The following FAM180B variants were observed in gnomAD, a reference collection of about 807,000 sequenced individuals.
FAM180B encodes family with sequence similarity 180 member B.
A neutral mutation model predicts 13.6 loss-of-function variants in FAM180B; 14 were observed. That is an observed-to-expected ratio of 1.03 (90% CI 0.68 to 1.60). The LOEUF (loss-of-function observed/expected upper bound fraction) is 1.60. Among genes scored for constraint, FAM180B ranks in the 40% most tolerant of loss-of-function variants. The pLI is 0.00. For missense variants in FAM180B, 212 were observed against 230.4 expected, an observed-to-expected ratio of 0.92 and a Z score of 0.52; for synonymous variants, 109 against 97.0, an observed-to-expected ratio of 1.12 and a Z score of -0.72.
Position 47,588,567 on chromosome 11 carries a change from G to C in FAM180B, c.*133G>C, listed in dbSNP as rs955726952. 1.7e-6 allele frequency: 1 copy of C among 585,008 alleles called. No homozygotes were observed. The allele number at this position is 585,008 out of a possible 1,614,324, so 36.2% of individuals were successfully genotyped here. A position where few individuals can be genotyped will look rare whatever the true frequency, so the allele number is the denominator to read the frequency against. On this transcript the variant is annotated 3_prime_UTR_variant, in exon 3 of 3. Coordinates refer to ENST00000538490, the MANE Select transcript of FAM180B (RefSeq NM_001164379.3). Reference sequence around the variant, plus strand: ...TCACCGTGTTCAGATCTCTGGGCTTGGCTTGCACCCTGGACACCCCCTCTC... The same window carrying C: ...TCACCGTGTTCAGATCTCTGGGCTTCGCTTGCACCCTGGACACCCCCTCTC...
Position 47,588,717 on chromosome 11 carries a change from T to TAA in FAM180B, c.*283_*284insAA, listed in dbSNP as rs1555199606. 1.6e-5 allele frequency: 2 copies of TAA among 128,750 alleles called. No homozygotes were observed. Among genetic ancestry groups the TAA allele is most frequent in the Non-Finnish European group, 2.7e-5 (2 of 73,260 alleles). 8.0% of individuals were successfully genotyped at this position (128,750 alleles called of 1,614,324 possible). On this transcript the variant is annotated 3_prime_UTR_variant, in exon 3 of 3. Coordinates refer to ENST00000538490, the MANE Select transcript of FAM180B (RefSeq NM_001164379.3). ...GCACGACTTGCAGGCAGTGTGTGTGTGAGTGTGTGTGTGTGTGTGTGTGTG... is the reference window on the plus strand; with the variant it reads ...GCACGACTTGCAGGCAGTGTGTGTGTAAGAGTGTGTGTGTGTGTGTGTGTGTG...
In FAM180B at chr11:47,588,921, A is replaced by G. The variant is rs2097273487; in HGVS notation, c.*487A>G. 1 of 152,206 alleles carries G rather than the reference A, an allele frequency of 6.6e-6. No homozygotes were observed. Among genetic ancestry groups the G allele is most frequent in the South Asian group, 2.1e-4 (1 of 4,830 alleles). 9.4% of individuals were successfully genotyped at this position (152,206 alleles called of 1,614,324 possible). On this transcript the variant is annotated 3_prime_UTR_variant, in exon 3 of 3. Transcript: ENST00000538490. Reference sequence around the variant, plus strand: ...TGCTGAGCATCCCCTTTTAGGCACAACCAAGGATTTGGGGTCTCTGAGCCT... The same window carrying G: ...TGCTGAGCATCCCCTTTTAGGCACAGCCAAGGATTTGGGGTCTCTGAGCCT...
intron 1 of FAM180B, 109 bp downstream of exon 1, chr11:47,586,962 T>C (rs544734689): frequency 1.4e-6 from 1 of 739,290 alleles, no homozygotes; most frequent in East Asian, 2.7e-5. Flanking sequence ...GCATGGTGGG[T>C]ACCAGGCTGA....
Position 47,587,841 on chromosome 11 carries a change from G to A in FAM180B, c.156+20G>A. ...TTTGAGGTCTTTCCTCCCAGCCTGG[G>A]ACATGGGGGTGGGCACGTCCAGAGG... is the stretch of plus-strand genomic sequence containing the variant. On this transcript the variant is annotated intron_variant, in intron 2 of 2. Coordinates refer to ENST00000538490, the MANE Select transcript of FAM180B (RefSeq NM_001164379.3). 1.3e-6 allele frequency: 2 copies of A among 1,523,176 alleles called. No individual in the cohort carries two copies. Among genetic ancestry groups the A allele is most frequent in the Non-Finnish European group, 1.8e-6 (2 of 1,139,184 alleles). The allele number at this position is 1,523,176 out of a possible 1,614,324, so 94.4% of individuals were successfully genotyped here.
Position 47,588,069 on chromosome 11 carries a change from A to G in FAM180B, c.187A>G (p.Met63Val). The G allele has an allele frequency of 2.6e-6, 4 of 1,535,976 alleles. No individual in the cohort carries two copies. In the South Asian group the frequency reaches 4.8e-5, roughly 18 times the overall value. ...LLWAGLELDVMGQLHIQDEEL... is the reference protein window; with the variant it reads ...LLWAGLELDVVGQLHIQDEEL... ...CTGGGCTGGGCTGGAGCTGGATGTC[A>G]TGGGGCAGCTGCACATCCAGGATGA... The change falls in exon 3 of 3, where the codon ATG becomes GTG. Residue 63 changes from methionine to valine, a missense_variant. Physicochemically the swap from Met to Val is conservative, Grantham distance 21. Transcript: ENST00000538490.
At position 47,586,698 on chromosome 11, in the gene FAM180B, A is replaced by C. The variant is rs1181632250; in HGVS notation, c.-71A>C. ...AGCCCGCAGTGGAAAGTTGGAGCTGAGGTGTGTGGCAGGCAGATGAGGGAG... is the reference window on the plus strand; with the variant it reads ...AGCCCGCAGTGGAAAGTTGGAGCTGCGGTGTGTGGCAGGCAGATGAGGGAG... On this transcript the variant is annotated 5_prime_UTR_variant, in exon 1 of 3. Coordinates refer to ENST00000538490, the MANE Select transcript of FAM180B (RefSeq NM_001164379.3). The C allele has an allele frequency of 9.0e-7, 1 of 1,110,410 alleles. No individual in the cohort carries two copies. Among genetic ancestry groups the C allele is most frequent in the Non-Finnish European group, 1.3e-6 (1 of 756,766 alleles). The allele number at this position is 1,110,410 out of a possible 1,614,324, so 68.8% of individuals were successfully genotyped here. A position where few individuals can be genotyped will look rare whatever the true frequency, so the allele number is the denominator to read the frequency against.
At position 47,588,042 on chromosome 11, in the gene FAM180B, C is replaced by A; in HGVS notation, c.160C>A (p.Leu54Ile). The change falls in exon 3 of 3, where the codon CTC becomes ATC. Residue 54 changes from leucine to isoleucine, a missense_variant. Leu to Ile is a conservative substitution (Grantham distance 5, BLOSUM62 2). Coordinates refer to ENST00000538490, the MANE Select transcript of FAM180B (RefSeq NM_001164379.3). Reference protein sequence around the residue: ...PEAPEVMFELLWAGLELDVMG... With the variant: ...PEAPEVMFELIWAGLELDVMG... ...CCTTACATGGCTCCCCTTGCAGCTG[C>A]TCTGGGCTGGGCTGGAGCTGGATGT... is the stretch of plus-strand genomic sequence containing the variant. 1 of 1,530,442 alleles carries A rather than the reference C, an allele frequency of 6.5e-7. No individual in the cohort carries two copies. Among genetic ancestry groups the A allele is most frequent in the Non-Finnish European group, 8.7e-7 (1 of 1,143,636 alleles). The allele number at this position is 1,530,442 out of a possible 1,614,324, so 94.8% of individuals were successfully genotyped here.
intron 2 of FAM180B, 34 bp downstream of exon 2, chr11:47,587,855 C>A: frequency 6.6e-7 from 1 of 1,503,978 alleles, no homozygotes; most frequent in Admixed American, 2.1e-5. Context: ...TGGGGGTGGG[C>A]ACGTCCAGAG....
upstream of FAM180B, chr11:47,586,662 A>C (rs1268048286): frequency 7.4e-6 from 6 of 808,790 alleles, no homozygotes; most frequent in Admixed American, 2.0e-5. Flanking sequence ...CGCATTACAG[A>C]GCTCTGGAGC....
chr11:47,588,384 C>T lies in FAM180B; in HGVS notation c.502C>T (p.Arg168Trp), dbSNP rs947935217. Residue 168 changes from arginine to tryptophan, a missense_variant, in exon 3 of 3, where the codon CGG becomes TGG. Transcript: ENST00000538490. ...GTGCAAAGGTTTCTGCCCCCAGGAC[C>T]GGCCCCCTTCCCTGGGGTCCTGGGC... ...DLCKGFCPQDRPPSLGSWASI... is the reference protein window; with the variant it reads ...DLCKGFCPQDWPPSLGSWASI... The T allele has an allele frequency of 1.8e-5, 28 of 1,522,366 alleles. No individual in the cohort carries two copies. Among genetic ancestry groups the T allele is most frequent in the Non-Finnish European group, 2.4e-5 (27 of 1,135,800 alleles). The allele number at this position is 1,522,366 out of a possible 1,614,324, so 94.3% of individuals were successfully genotyped here. A position where few individuals can be genotyped will look rare whatever the true frequency, so the allele number is the denominator to read the frequency against.
In FAM180B at chr11:47,586,768, C is replaced by T; in HGVS notation, c.-1C>T. On this transcript the variant is annotated 5_prime_UTR_variant, in exon 1 of 3. Transcript: ENST00000538490. The stretch of plus-strand genomic sequence containing the variant: ...GTGAGACTCAGAGGACGTGGTTGAG[C>T]ATGGCTGCGACCCTGCAGTTCCTGG... The T allele has an allele frequency of 6.5e-7, 1 of 1,536,598 alleles. No homozygotes were observed. Among genetic ancestry groups the T allele is most frequent in the Non-Finnish European group, 8.7e-7 (1 of 1,146,270 alleles).
intron 2 of FAM180B, 54 bp downstream of exon 2, chr11:47,587,875 C>A: frequency 6.8e-7 from 1 of 1,472,930 alleles, no homozygotes; most frequent in Non-Finnish European, 9.0e-7. Context: ...GGTCCCTAAG[C>A]TCAGGGTTGG....
Position 47,588,492 on chromosome 11 carries a change from C to G in FAM180B, c.*58C>G. On this transcript the variant is annotated 3_prime_UTR_variant, in exon 3 of 3. Coordinates refer to ENST00000538490, the MANE Select transcript of FAM180B (RefSeq NM_001164379.3). ...CCCCTCCCATCTCCTCCTCAACCCCCCAGGCAGACCCATCTTGCGCAGGGG... is the reference window on the plus strand; with the variant it reads ...CCCCTCCCATCTCCTCCTCAACCCCGCAGGCAGACCCATCTTGCGCAGGGG... 1.3e-6 allele frequency: 1 copy of G among 768,118 alleles called. No homozygotes were observed. Among genetic ancestry groups the G allele is most frequent in the Non-Finnish European group, 2.1e-6 (1 of 486,838 alleles). The allele number at this position is 768,118 out of a possible 1,614,324, so 47.6% of individuals were successfully genotyped here. A position where few individuals can be genotyped will look rare whatever the true frequency, so the allele number is the denominator to read the frequency against.
At chr11:47,586,907 T>A (rs1030512465) in intron 1 of FAM180B, 54 bp downstream of exon 1, 20 of 1,233,762 alleles carry the variant, frequency 1.6e-5, no homozygotes, top group South Asian at 9.0e-5. Context: ...CTGACAGCAG[T>A]TAACAGTTGG....
chr11:47,586,857 C>A lies in FAM180B; in HGVS notation c.85+4C>A. 6.5e-7 allele frequency: 1 copy of A among 1,534,334 alleles called. No homozygotes were observed. Among genetic ancestry groups the A allele is most frequent in the Admixed American group, 2.0e-5 (1 of 51,004 alleles). On this transcript the variant is annotated splice_donor_region_variant and intron_variant, in intron 1 of 2. Transcript: ENST00000538490. ...ACTACAACCCAGCCCCATGCAGGTA[C>A]CAGGCTTCAGGGTGGGTGGAGAGGA...
chr11:47,588,254 A>G lies in FAM180B; in HGVS notation c.372A>G (p.Thr124=). 6.5e-7 allele frequency: 1 copy of G among 1,537,000 alleles called. No homozygotes were observed. The highest frequency in any genetic ancestry group is 2.4e-5 in the East Asian group (1 of 40,902). Residue 124 remains threonine (T), a synonymous_variant, in exon 3 of 3, where the codon ACA becomes ACG. Coordinates refer to ENST00000538490, the MANE Select transcript of FAM180B (RefSeq NM_001164379.3). ...GGGACTTTGAACATCTGCTCCTCAC[A>G]GGCCTGTCCTGCGTCTACCGGCTCC... ...STWDFEHLLL[T]GLSCVYRLHA...
At position 47,588,743 on chromosome 11, in the gene FAM180B, TGTGTGTGTGTGTGG is replaced by T. The variant is rs1365908258; in HGVS notation, c.*310_*323del. The T allele has an allele frequency of 7.3e-6, 2 of 274,652 alleles. No homozygotes were observed. The highest frequency in any genetic ancestry group is 4.5e-5 in the African/African-American group (2 of 44,224). 17.0% of individuals were successfully genotyped at this position (274,652 alleles called of 1,614,324 possible). On this transcript the variant is annotated 3_prime_UTR_variant, in exon 3 of 3. Transcript: ENST00000538490. ...GAGTGTGTGTGTGTGTGTGTGTGTG[TGTGTGTGTGTGTGG>T]AGATCAGGGGTCAGGGTTGAGAAGT... is the stretch of plus-strand genomic sequence containing the variant.
rs1219553415 is a variant in FAM180B at position 47,588,055 on chromosome 11, T to C, written c.173T>C (p.Leu58Pro). The stretch of plus-strand genomic sequence containing the variant: ...CCCTTGCAGCTGCTCTGGGCTGGGC[T>C]GGAGCTGGATGTCATGGGGCAGCTG... ...EVMFELLWAG[L>P]ELDVMGQLHI... Residue 58 changes from leucine to proline, a missense_variant, in exon 3 of 3, where the codon CTG becomes CCG. Transcript: ENST00000538490. 10 of 1,534,124 alleles carry C rather than the reference T, an allele frequency of 6.5e-6. No homozygotes were observed. In the South Asian group the frequency reaches 1.1e-4, roughly 17 times the overall value.
rs1331890676 is a variant in FAM180B at position 47,588,262 on chromosome 11, C to T, written c.380C>T (p.Ser127Phe). The change falls in exon 3 of 3, where the codon TCC (serine) becomes TTC (phenylalanine). Residue 127 changes from serine (S) to phenylalanine (F), a missense_variant. By Grantham distance (155) the Ser-to-Phe change is radical. Coordinates refer to ENST00000538490, the MANE Select transcript of FAM180B (RefSeq NM_001164379.3). ...DFEHLLLTGL[S>F]CVYRLHAASE... The stretch of plus-strand genomic sequence containing the variant: ...GAACATCTGCTCCTCACAGGCCTGT[C>T]CTGCGTCTACCGGCTCCACGCAGCT... 1.3e-6 allele frequency: 2 copies of T among 1,537,170 alleles called. No homozygotes were observed. Among genetic ancestry groups the T allele is most frequent in the Admixed American group, 3.9e-5 (2 of 50,990 alleles).
Sources: allele counts gnomAD v4.1 joint callset, GRCh38; gene constraint gnomAD v4.1.1; transcripts MANE v1.5; gene names NCBI Gene and HGNC (gene_info 2026-07-23, HGNC 2026-07-21).